The following ZNF655 variants were observed in gnomAD, a reference collection of about 807,000 sequenced individuals.
ZNF655 encodes the protein Vav-interacting Kruppel-like protein 1.
Under a neutral mutation model 6.6 loss-of-function variants are expected in ZNF655, and 3 were observed. The ratio of observed to expected loss-of-function variants is 0.46; its 90% confidence interval spans 0.21 to 1.18. ZNF655 has a LOEUF of 1.18. Among genes scored for constraint, ZNF655 ranks in the 50% most tolerant of loss-of-function variants. The pLI, the probability that ZNF655 is intolerant of heterozygous loss-of-function variation, is 0.24. For missense variants in ZNF655, 526 were observed against 572.3 expected, an observed-to-expected ratio of 0.92 and a Z score of 0.83; for synonymous variants, 178 against 195.0, an observed-to-expected ratio of 0.91 and a Z score of 0.73.
In ZNF655 at chr7:99,559,662, CTG is replaced by C. The variant is rs1802926074; in HGVS notation, c.-27-869_-27-868del. On this transcript the variant is annotated intron_variant, in intron 1 of 2. Transcript: ENST00000252713. ...TGTTTATTTGAGGTGGGCTGTCACG[CTG>C]TCATACAGGCTGGAATGCAGTGGCG... 2.6e-5 allele frequency among the ~76,000 whole-genome samples: 4 copies of C among 152,172 alleles called. No individual in the cohort carries two copies. The South Asian group carries it at 8.3e-4, about 32-fold the overall frequency.
chr7:99,561,943 G>A, intron 2 of ZNF655: 1 of 1,597,374 alleles, frequency 6.3e-7, no homozygotes, highest in Non-Finnish European at 8.5e-7. Context: ...CAGGAGACCA[G>A]GCAGCTGCGC....
In ZNF655 at chr7:99,560,688, C is replaced by T; in HGVS notation, c.129C>T (p.Leu43=). 6.2e-7 allele frequency: 1 copy of T among 1,613,690 alleles called. No homozygotes were observed. The highest frequency in any genetic ancestry group is 8.5e-7 in the Non-Finnish European group (1 of 1,179,768). The change falls in exon 2 of 3, where the codon CTC becomes CTT. Residue 43 remains leucine, a synonymous_variant. Transcript: ENST00000252713. ...FVQDTDMEQG[L]TGDGETREEN... ...AGGACACCGACATGGAACAGGGACTCACTGGGGGTAAGGCAGAGAAAGCAC... is the reference window on the plus strand; with the variant it reads ...AGGACACCGACATGGAACAGGGACTTACTGGGGGTAAGGCAGAGAAAGCAC...
chr7:99,563,682 A>G (rs550699469), intron 2 of ZNF655, among the ~76,000 whole-genome samples: 1 of 147,516 alleles, frequency 6.8e-6, no homozygotes, highest in South Asian at 2.1e-4. Context: ...ATACTGAATC[A>G]TGCATTTTCT....
At chr7:99,564,104 C>T (rs766773563) in intron 2 of ZNF655, 3 of 1,546,382 alleles carry the variant, frequency 1.9e-6, no homozygotes, top group Non-Finnish European at 2.6e-6. Flanking sequence ...CAGGATGCCA[C>T]CACTGTGTAA....
chr7:99,576,017 CTTG>C lies in ZNF655; in HGVS notation c.*2438_*2440del, dbSNP rs1020356860. ...AGTAAGACAAATGTTATTTAAAATTCTTGTTGTCAGTCCAGCAATTGAGGCTTT... is the reference window on the plus strand; with the variant it reads ...AGTAAGACAAATGTTATTTAAAATTCTTGTCAGTCCAGCAATTGAGGCTTT... On this transcript the variant is annotated 3_prime_UTR_variant, in exon 3 of 3. Coordinates refer to ENST00000252713, the MANE Select transcript of ZNF655 (RefSeq NM_138494.3). 46 of 152,238 alleles carry C rather than the reference CTTG, an allele frequency of 3.0e-4. No individual in the cohort carries two copies. Among genetic ancestry groups the C allele is most frequent in the African/African-American group, 1.1e-3 (45 of 41,538 alleles). 9.4% of individuals were successfully genotyped at this position (152,238 alleles called of 1,614,324 possible).
chr7:99,562,875 G>A (rs1255752393), intron 2 of ZNF655, among the ~76,000 whole-genome samples: 2 of 152,110 alleles, frequency 1.3e-5, no homozygotes, highest in Non-Finnish European at 2.9e-5. Flanking sequence ...TGTTATCTCA[G>A]TGTCCCTGTA....
At chr7:99,571,350 A>G in intron 2 of ZNF655, 1 of 1,272,878 alleles carries the variant, frequency 7.9e-7, no homozygotes. Context: ...ATACTTGTAG[A>G]CCAGATCTAA....
intron 2 of ZNF655, chr7:99,562,638 C>A: frequency 9.0e-6 from 7 of 774,504 alleles, no homozygotes; most frequent in Non-Finnish European, 1.3e-5. Flanking sequence ...TCTTTCACAT[C>A]GTCTTCTCCG....
intron 2 of ZNF655, among the ~76,000 whole-genome samples, chr7:99,565,926 T>C (rs1182201068): frequency 2.0e-5 from 3 of 152,192 alleles, no homozygotes; most frequent in African/African-American, 7.2e-5. Flanking sequence ...TTAGTATTTA[T>C]TGAGCAGCCA....
At chr7:99,566,021 A>ATATGTGTGTG (rs1554397983) in intron 2 of ZNF655, among the ~76,000 whole-genome samples, 1 of 149,864 alleles carries the variant, frequency 6.7e-6, no homozygotes, top group African/African-American at 2.5e-5. Context: ...GGACATTTAT[A>ATATGTGTGTG]TGTGTGTGTG....
At chr7:99,559,785 ATTTTT>A (rs60274417) in intron 1 of ZNF655, among the ~76,000 whole-genome samples, 3 of 119,284 alleles carry the variant, frequency 2.5e-5, no homozygotes, top group Non-Finnish European at 5.2e-5. Context: ...GGGCCACCTA[ATTTTT>A]TTTTTTTTTT....
intron 2 of ZNF655, chr7:99,562,055 C>A: frequency 7.9e-7 from 1 of 1,270,352 alleles, no homozygotes; most frequent in Non-Finnish European, 1.1e-6. Flanking sequence ...CATCTGTAGA[C>A]CTTGCCTGGA....
At chr7:99,569,693 A>C (rs1351159887) in intron 2 of ZNF655, among the ~76,000 whole-genome samples, 1 of 152,204 alleles carries the variant, frequency 6.6e-6, no homozygotes, top group Non-Finnish European at 1.5e-5. Flanking sequence ...CTTTGCACCT[A>C]CCAAGTACTT....
At chr7:99,571,549 C>G in intron 2 of ZNF655, 2 of 992,014 alleles carry the variant, frequency 2.0e-6, no homozygotes, top group Non-Finnish European at 2.8e-6. Context: ...TCTTTGCCCT[C>G]TTCACTCTCC....
Position 99,573,487 on chromosome 7 carries a change from G to C in ZNF655, c.1379G>C (p.Arg460Thr). 1 of 1,613,266 alleles carries C rather than the reference G, an allele frequency of 6.2e-7. No homozygotes were observed. The highest frequency in any genetic ancestry group is 8.5e-7 in the Non-Finnish European group (1 of 1,180,016). Residue 460 changes from arginine (R) to threonine (T), a missense_variant, in exon 3 of 3, where the codon AGA (arginine) becomes ACA (threonine). Arg to Thr is a moderately conservative substitution (Grantham distance 71). Transcript: ENST00000252713. The stretch of plus-strand genomic sequence containing the variant: ...ATCCTGCAACAAGAAGTCCTCACCA[G>C]ACAGAAAGCCTTTGATTGTGATGTA... The part of the protein sequence containing the change: ...DLILQQEVLT[R>T]QKAFDCDVWE...
In ZNF655 at chr7:99,573,806, T is replaced by G. The variant is rs979378467; in HGVS notation, c.*222T>G. ...AACTCTTAATCGACTCCTGCAAATCTATACCAGTGAGAAATCTTACAAATG... is the reference window on the plus strand; with the variant it reads ...AACTCTTAATCGACTCCTGCAAATCGATACCAGTGAGAAATCTTACAAATG... On this transcript the variant is annotated 3_prime_UTR_variant, in exon 3 of 3. Coordinates refer to ENST00000252713, the MANE Select transcript of ZNF655 (RefSeq NM_138494.3). 3 of 526,928 alleles carry G rather than the reference T, an allele frequency of 5.7e-6. No homozygotes were observed. In the East Asian group the frequency reaches 9.3e-5, roughly 16 times the overall value. The allele number at this position is 526,928 out of a possible 1,614,324, so 32.6% of individuals were successfully genotyped here. A position where few individuals can be genotyped will look rare whatever the true frequency, so the allele number is the denominator to read the frequency against.
At position 99,572,244 on chromosome 7, in the gene ZNF655, G is replaced by T; in HGVS notation, c.137-1G>T. ...CATTTTCTATTTATATATTGTATCAGATGGAGAGACCAGAGAAGAGAACAA... is the reference window on the plus strand; with the variant it reads ...CATTTTCTATTTATATATTGTATCATATGGAGAGACCAGAGAAGAGAACAA... On this transcript the variant is annotated splice_acceptor_variant, in intron 2 of 2. Coordinates refer to ENST00000252713, the MANE Select transcript of ZNF655 (RefSeq NM_138494.3). LOFTEE classifies it high-confidence loss of function. 6.3e-7 allele frequency: 1 copy of T among 1,589,736 alleles called. No homozygotes were observed. The highest frequency in any genetic ancestry group is 1.1e-5 in the South Asian group (1 of 87,328).
chr7:99,561,188 A>G (rs1803119410), intron 2 of ZNF655, among the ~76,000 whole-genome samples: 3 of 152,246 alleles, frequency 2.0e-5, no homozygotes, highest in Non-Finnish European at 4.4e-5. Context: ...TTGGTTGAAC[A>G]CAATGCCTGT....
Position 99,562,349 on chromosome 7 carries a change from C to A in ZNF655, c.136+1654C>A, listed in dbSNP as rs547938052. On this transcript the variant is annotated intron_variant, in intron 2 of 2. Transcript: ENST00000252713. ...ACAGTGTTCTCATTCCTCAGAGCAG[C>A]CAGGATGTGTTATTTCAGGAGTTTG... 1.3e-4 allele frequency: 207 copies of A among 1,613,408 alleles called. 5 individuals are homozygous for A. The South Asian group carries it at 2.2e-3, about 17-fold the overall frequency.
Sources: allele counts gnomAD v4.1 joint callset (sites outside exome capture counted in the v4.1 genomes callset), GRCh38; gene constraint gnomAD v4.1.1; transcripts MANE v1.5; gene names NCBI Gene and HGNC (gene_info 2026-07-23, HGNC 2026-07-21).